STK32C: variants seen among roughly 807,000 people sequenced by gnomAD.
STK32C encodes the protein serine/threonine-protein kinase 32C.
STK32C carries 31 observed loss-of-function variants against 56.5 expected under a neutral mutation model. That is an observed-to-expected ratio of 0.55 (90% CI 0.41 to 0.74). STK32C has a LOEUF of 0.74. Among genes scored for constraint, STK32C ranks in the 30% least tolerant of loss-of-function variants. The pLI, the probability that STK32C is intolerant of heterozygous loss-of-function variation, is 0.00. For missense variants in STK32C, 544 were observed against 676.9 expected (o/e 0.80, Z 2.18); for synonymous variants, 309 against 289.4 (o/e 1.07, Z -0.69).
chr10:132,232,719 T>C (rs563341852), intron 2 of STK32C, among the ~76,000 whole-genome samples: 18 of 143,538 alleles, frequency 1.3e-4, no homozygotes, highest in East Asian at 4.5e-4. Context: ...ACGCCACTGA[T>C]GGGGAGGCCA....
intron 1 of STK32C, among the ~76,000 whole-genome samples, chr10:132,265,716 C>T (rs2064497306): frequency 6.6e-6 from 1 of 152,374 alleles, no homozygotes; most frequent in South Asian, 2.1e-4. Flanking sequence ...GAGGCCCAGG[C>T]AGATGCTTCA....
chr10:132,245,814 T>G, intron 2 of STK32C, 86 bp downstream of exon 2: 1 of 1,342,438 alleles, frequency 7.4e-7, no homozygotes, highest in Non-Finnish European at 1.1e-6. Context: ...AGGATGGGAG[T>G]AGGTGGGCTC....
Position 132,225,564 on chromosome 10 carries a change from C to T in STK32C, c.735G>A (p.Glu245=). 1 of 1,613,892 alleles carries T rather than the reference C, an allele frequency of 6.2e-7. No homozygotes were observed. Residue 245 remains glutamate (E), a synonymous_variant, in exon 6 of 12, where the codon GAG becomes GAA. Transcript: ENST00000298630. ...TGGTGCCTGCTAATGCCGTCGCCCG[C>T]TCCCCGTCCTTGATGATGGTGGCAA... ...FNIATIIKDG[E]RATALAGTKP...
In STK32C at chr10:132,213,425, A is replaced by G. The variant is rs1477221069; in HGVS notation, c.1252-4324T>C. 2.0e-5 allele frequency among the ~76,000 whole-genome samples: 3 copies of G among 152,226 alleles called. No individual in the cohort carries two copies. The East Asian group carries it at 5.8e-4, about 29-fold the overall frequency. On this transcript the variant is annotated intron_variant, in intron 10 of 11. Coordinates refer to ENST00000298630, the MANE Select transcript of STK32C (RefSeq NM_173575.4). ...AAGACGCAGACTCTCTCTGAGGAGG[A>G]GGATTTAGGCAAGCCCAAGGGCAAC...
chr10:132,228,905 G>A (rs1419454353), intron 2 of STK32C, among the ~76,000 whole-genome samples: 1 of 152,216 alleles, frequency 6.6e-6, no homozygotes, highest in East Asian at 1.9e-4. Flanking sequence ...CACCACAGTG[G>A]GACCCCCTCC....
intron 1 of STK32C, among the ~76,000 whole-genome samples, chr10:132,246,708 T>C (rs1464767269): frequency 6.6e-6 from 1 of 152,208 alleles, no homozygotes; most frequent in Admixed American, 6.5e-5. Flanking sequence ...GGGATTCTGA[T>C]GGGCTTTCCA....
chr10:132,228,308 GGTAAC>G, intron 2 of STK32C, 180 bp from the exon 3 acceptor site: 2 of 695,186 alleles, frequency 2.9e-6, no homozygotes. Context: ...TGCCACATAT[GGTAAC>G]ATATTTGCTC....
intron 1 of STK32C, among the ~76,000 whole-genome samples, chr10:132,299,824 C>T (rs901019757): frequency 6.6e-6 from 1 of 152,204 alleles, no homozygotes; most frequent in Non-Finnish European, 1.5e-5. Flanking sequence ...GCCAGGACCC[C>T]GAGCCCTGTT....
At chr10:132,241,133 C>A (rs2063485893) in intron 2 of STK32C, among the ~76,000 whole-genome samples, 2 of 152,208 alleles carry the variant, frequency 1.3e-5, no homozygotes, top group South Asian at 2.1e-4. Flanking sequence ...GAGCACCAGC[C>A]ACAGCTTGGC....
Position 132,215,914 on chromosome 10 carries a change from G to A in STK32C, c.1251+6727C>T, listed in dbSNP as rs532655527. Among the ~76,000 whole-genome samples, 3 of 152,296 alleles carry A rather than the reference G, an allele frequency of 2.0e-5. No homozygotes were observed. The East Asian group carries it at 5.8e-4, about 29-fold the overall frequency. On this transcript the variant is annotated intron_variant, in intron 10 of 11. Coordinates refer to ENST00000298630, the MANE Select transcript of STK32C (RefSeq NM_173575.4). ...AGTCCAGGCTGAGCTGGTCTCAGAT[G>A]GAGATGAGGAACTTGTTGGGAACTA...
chr10:132,209,469 G>A, intron 10 of STK32C: 1 of 427,966 alleles, frequency 2.3e-6, no homozygotes, highest in East Asian at 5.7e-5. Flanking sequence ...CCTCATCACA[G>A]CACACACACA....
intron 10 of STK32C, among the ~76,000 whole-genome samples, chr10:132,214,440 A>G (rs2062406256): frequency 6.6e-6 from 1 of 152,232 alleles, no homozygotes; most frequent in East Asian, 1.9e-4. Flanking sequence ...AGGTGAAAGT[A>G]AAGACTTTTT....
At chr10:132,266,860 C>G (rs1243461178) in intron 1 of STK32C, among the ~76,000 whole-genome samples, 2 of 151,868 alleles carry the variant, frequency 1.3e-5, no homozygotes, top group Admixed American at 1.3e-4. Context: ...GGGGGCAGCT[C>G]GAGGTCAGAA....
intron 1 of STK32C, among the ~76,000 whole-genome samples, chr10:132,273,312 A>G (rs760745663): frequency 1.3e-5 from 2 of 151,974 alleles, no homozygotes; most frequent in Non-Finnish European, 2.9e-5. Context: ...AACGGGCTCT[A>G]AGTCCCTGCA....
intron 1 of STK32C, among the ~76,000 whole-genome samples, chr10:132,286,927 A>G (rs894438898): frequency 6.6e-6 from 1 of 152,266 alleles, no homozygotes; most frequent in African/African-American, 2.4e-5. Context: ...AAAAGAAAGC[A>G]GCGAAATTGT....
At chr10:132,271,067 AC>A (rs2064803697) in intron 1 of STK32C, among the ~76,000 whole-genome samples, 1 of 152,030 alleles carries the variant, frequency 6.6e-6, no homozygotes, top group Non-Finnish European at 1.5e-5. Context: ...GGAGGGTGGC[AC>A]CCCCAAAGTG....
rs753420418 is a variant in STK32C at position 132,331,398 on chromosome 10, T to A, written c.301+38A>T. 6 of 1,571,010 alleles carry A rather than the reference T, an allele frequency of 3.8e-6. No individual in the cohort carries two copies. In the East Asian group the frequency reaches 1.4e-4, roughly 35 times the overall value. On this transcript the variant is annotated intron_variant, in intron 1 of 1. Coordinates refer to the STK32C transcript ENST00000368619. ...CCTCCCGCCCGGTGTCATTTCATCT[T>A]CTTCCAAATTCTCAAAACCCTTCCT...
At chr10:132,331,200 C>CAAAAAAAAAAA (rs35734065) in intron 1 of STK32C, among the ~76,000 whole-genome samples, 3 of 56,332 alleles carry the variant, frequency 5.3e-5, no homozygotes, top group Non-Finnish European at 9.7e-5. Flanking sequence ...GACTCCACCT[C>CAAAAAAAAAAA]AAAAAAAAAA....
chr10:132,269,620 T>C (rs1160582258), intron 1 of STK32C, among the ~76,000 whole-genome samples: 2 of 152,330 alleles, frequency 1.3e-5, no homozygotes, highest in East Asian at 3.9e-4. Context: ...AGCTAGTGGA[T>C]GGTCTTATTT....
Sources: allele counts gnomAD v4.1 joint callset (sites outside exome capture counted in the v4.1 genomes callset), GRCh38; gene constraint gnomAD v4.1.1; transcripts MANE v1.5; gene names NCBI Gene and HGNC (gene_info 2026-07-23, HGNC 2026-07-21).